The following KMT5A variants were observed in gnomAD, a reference collection of about 807,000 sequenced individuals.
KMT5A encodes N-lysine methyltransferase KMT5A.
KMT5A carries 6 observed loss-of-function variants against 40.6 expected under a neutral mutation model. That is an observed-to-expected ratio of 0.15 (90% CI 0.08 to 0.29). The LOEUF is 0.29. Ranked by LOEUF, KMT5A falls within the 10% of genes least tolerant of loss-of-function variation. KMT5A has a pLI of 1.00. For synonymous variants in KMT5A, 153 were observed against 178.8 expected (o/e 0.86, Z 1.15); for missense variants, 308 against 459.1 (o/e 0.67, Z 3.01).
chr12:123,390,852 C>T, intron 3 of KMT5A, 66 bp downstream of exon 3: 1 of 1,534,428 alleles, frequency 6.5e-7, no homozygotes, highest in East Asian at 2.3e-5. Context: ...CTGTCCTCTG[C>T]AAGAATGCAC....
intron 5 of KMT5A, among the ~76,000 whole-genome samples, chr12:123,402,613 C>G (rs1027730460): frequency 1.1e-4 from 17 of 152,206 alleles, no homozygotes; most frequent in African/African-American, 3.9e-4. Flanking sequence ...ATTTGGTTCC[C>G]TTTTGCTCTG....
rs573418436 is a variant in KMT5A, at chr12:123,408,974, A to G, written c.*1271A>G. 6.5e-5 allele frequency: 10 copies of G among 152,798 alleles called. No homozygotes were observed. Among genetic ancestry groups the G allele is most frequent in the African/African-American group, 2.4e-4 (10 of 41,586 alleles). 9.5% of individuals were successfully genotyped at this position (152,798 alleles called of 1,614,324 possible). A position where few individuals can be genotyped will look rare whatever the true frequency, so the allele number is the denominator to read the frequency against. On this transcript the variant is annotated 3_prime_UTR_variant, in exon 8 of 8. Transcript: ENST00000402868. ...GTGACTGCTTCCTCCCGCCCTTCAC[A>G]GAACTGATTCTCACACACTGTCCCT...
At chr12:123,402,784 A>G (rs1365617212) in intron 5 of KMT5A, among the ~76,000 whole-genome samples, 1 of 152,168 alleles carries the variant, frequency 6.6e-6, no homozygotes, top group African/African-American at 2.4e-5. Flanking sequence ...CTTCTCATCC[A>G]TCGTGGTGGC....
At chr12:123,385,742 T>C (rs1006807675) in intron 1 of KMT5A, among the ~76,000 whole-genome samples, 3 of 151,996 alleles carry the variant, frequency 2.0e-5, no homozygotes, top group South Asian at 4.1e-4. Flanking sequence ...TCCCAGCTAC[T>C]TGGGAGGCTG....
At chr12:123,402,421 G>A (rs1035594409) in intron 5 of KMT5A, among the ~76,000 whole-genome samples, 1 of 152,228 alleles carries the variant, frequency 6.6e-6, no homozygotes, top group African/African-American at 2.4e-5. Flanking sequence ...CATTGCAGGT[G>A]TGGATTGAGT....
intron 5 of KMT5A, among the ~76,000 whole-genome samples, chr12:123,399,822 TTTG>T (rs1181105760): frequency 2.6e-5 from 4 of 152,260 alleles, no homozygotes; most frequent in East Asian, 1.9e-4. Context: ...TTGTGGGTTT[TTTG>T]TTGTTTTGTT....
chr12:123,385,762 G>T (rs975895292), intron 1 of KMT5A, among the ~76,000 whole-genome samples: 3 of 152,130 alleles, frequency 2.0e-5, no homozygotes, highest in African/African-American at 7.2e-5. Flanking sequence ...GAGGCAGGGA[G>T]AATTGCCTGA....
chr12:123,395,685 C>T (rs1220447120), intron 4 of KMT5A, among the ~76,000 whole-genome samples: 1 of 151,898 alleles, frequency 6.6e-6, no homozygotes, highest in Non-Finnish European at 1.5e-5. Context: ...CTGCCTCAGC[C>T]TCCTGAGTAA....
chr12:123,391,324 A>C (rs902783989), intron 3 of KMT5A: 1 of 154,276 alleles, frequency 6.5e-6, no homozygotes, highest in African/African-American at 2.4e-5. Context: ...CCTCCTGAGT[A>C]GCTGGGATTA....
intron 3 of KMT5A, among the ~76,000 whole-genome samples, chr12:123,394,755 C>T (rs1253638732): frequency 6.6e-6 from 1 of 152,184 alleles, no homozygotes; most frequent in South Asian, 2.1e-4. Flanking sequence ...ATCAAGCACC[C>T]TGCCAGCGTC....
chr12:123,402,914 C>CT (rs1184448008), intron 5 of KMT5A, among the ~76,000 whole-genome samples: 1 of 152,148 alleles, frequency 6.6e-6, no homozygotes, highest in East Asian at 1.9e-4. Context: ...ACCCGATTTT[C>CT]TTTTTTCTTT....
chr12:123,403,557 CTT>C lies in KMT5A; in HGVS notation c.598-14_598-13del. The C allele has an allele frequency of 6.2e-7, 1 of 1,614,026 alleles. No individual in the cohort carries two copies. The highest frequency in any genetic ancestry group is 8.5e-7 in the Non-Finnish European group (1 of 1,179,896). ...AGGAGAAGATACTGATGCTGTTTTT[CTT>C]TCTCTCTGCCCAGTCTGAAGAAAGG... On this transcript the variant is annotated splice_polypyrimidine_tract_variant and intron_variant, in intron 5 of 7. Transcript: ENST00000402868.
intron 2 of KMT5A, 119 bp from the exon 3 acceptor site, chr12:123,390,511 T>G: frequency 1.6e-6 from 2 of 1,265,238 alleles, no homozygotes; most frequent in East Asian, 4.7e-5. Context: ...CATCCCCTGG[T>G]AGCCCAGTTT....
chr12:123,391,806 C>G (rs931551883), intron 3 of KMT5A, among the ~76,000 whole-genome samples: 1 of 152,184 alleles, frequency 6.6e-6, no homozygotes, highest in African/African-American at 2.4e-5. Context: ...GCCTTGTGTT[C>G]GCTAACAGAA....
intron 7 of KMT5A, among the ~76,000 whole-genome samples, chr12:123,406,377 C>T (rs994541825): frequency 1.3e-5 from 2 of 152,074 alleles, no homozygotes; most frequent in Non-Finnish European, 2.9e-5. Flanking sequence ...TGCAGTGGCA[C>T]GATCTTGGCT....
chr12:123,389,126 G>A, intron 1 of KMT5A: 1 of 99,174 alleles, frequency 1.0e-5, no homozygotes, highest in Non-Finnish European at 2.2e-5. Flanking sequence ...CCGCGGCGGC[G>A]CTGGTGGCGG....
chr12:123,387,016 C>T (rs1876914025), intron 1 of KMT5A, among the ~76,000 whole-genome samples: 1 of 152,110 alleles, frequency 6.6e-6, no homozygotes, highest in Admixed American at 6.5e-5. Context: ...GCAACCACGC[C>T]AAGCTAATTT....
intron 3 of KMT5A, among the ~76,000 whole-genome samples, chr12:123,393,992 G>A (rs1213555873): frequency 6.6e-6 from 1 of 152,060 alleles, no homozygotes; most frequent in Non-Finnish European, 1.5e-5. Context: ...TGAAATTGCT[G>A]GGTCATATGG....
At chr12:123,393,114 G>A (rs1453118872) in intron 3 of KMT5A, among the ~76,000 whole-genome samples, 1 of 152,186 alleles carries the variant, frequency 6.6e-6, no homozygotes, top group African/African-American at 2.4e-5. Flanking sequence ...CTGACCTCAG[G>A]TGGCCCACCC....
Sources: allele counts gnomAD v4.1 joint callset (sites outside exome capture counted in the v4.1 genomes callset), GRCh38; gene constraint gnomAD v4.1.1; transcripts MANE v1.5; gene names NCBI Gene and HGNC (gene_info 2026-07-23, HGNC 2026-07-21).